PICALM: variants seen among roughly 807,000 people sequenced by gnomAD.
PICALM encodes phosphatidylinositol-binding clathrin assembly protein.
In PICALM, 40 loss-of-function variants were observed where a neutral mutation model predicts 80.5. The observed-to-expected ratio is 0.50, with a 90% CI of 0.39 to 0.65. PICALM has a LOEUF of 0.65. Ranked by LOEUF, PICALM falls within the 30% of genes least tolerant of loss-of-function variation. PICALM has a pLI of 0.00. For missense variants in PICALM, 676 were observed against 778.9 expected (o/e 0.87, Z 1.57); for synonymous variants, 288 against 260.3 (o/e 1.11, Z -1.02).
At chr11:86,045,323 CATAACCATACACCTG>C (rs939759832) in intron 1 of PICALM, among the ~76,000 whole-genome samples, 1 of 151,870 alleles carries the variant, frequency 6.6e-6, no homozygotes, top group Non-Finnish European at 1.5e-5. Context: ...TCATACACCT[CATAACCATACACCTG>C]TTCTTATAAG....
chr11:85,964,611 C>T (rs2093811428), intron 19 of PICALM, among the ~76,000 whole-genome samples: 1 of 152,160 alleles, frequency 6.6e-6, no homozygotes, highest in Admixed American at 6.5e-5. Context: ...ATCAAATGTT[C>T]ATCTACAGAT....
intron 1 of PICALM, among the ~76,000 whole-genome samples, chr11:86,035,430 C>T (rs937402590): frequency 1.3e-5 from 2 of 152,208 alleles, no homozygotes; most frequent in African/African-American, 2.4e-5. Flanking sequence ...CAAAACCACA[C>T]TGATACCCGA....
At chr11:86,018,814 G>A (rs1328998191) in intron 4 of PICALM, among the ~76,000 whole-genome samples, 2 of 151,922 alleles carry the variant, frequency 1.3e-5, no homozygotes, top group South Asian at 2.1e-4. Flanking sequence ...GCTTGAACCC[G>A]GGAGGTGGAG....
chr11:85,987,186 T>C (rs2094598154), intron 13 of PICALM, among the ~76,000 whole-genome samples: 1 of 152,206 alleles, frequency 6.6e-6, no homozygotes, highest in African/African-American at 2.4e-5. Context: ...ATAAACAGGG[T>C]ATTATTTAAA....
At chr11:85,965,608 C>T (rs191973971) in intron 19 of PICALM, among the ~76,000 whole-genome samples, 1 of 151,960 alleles carries the variant, frequency 6.6e-6, no homozygotes, top group East Asian at 1.9e-4. Context: ...CTCAGCTTCC[C>T]CTGTGAGATA....
intron 3 of PICALM, chr11:86,023,619 G>T (rs978945306): frequency 1.0e-6 from 1 of 972,712 alleles, no homozygotes; most frequent in African/African-American, 1.8e-5. Flanking sequence ...TGATAAATCA[G>T]TCGCTAATAA....
At chr11:85,996,585 T>A (rs1360030820) in intron 12 of PICALM, among the ~76,000 whole-genome samples, 5 of 152,204 alleles carry the variant, frequency 3.3e-5, no homozygotes, top group African/African-American at 1.2e-4. Context: ...CACTTGGTCC[T>A]TCCTCTTACA....
chr11:86,018,750 A>G (rs1006687252), intron 4 of PICALM, among the ~76,000 whole-genome samples: 10 of 152,040 alleles, frequency 6.6e-5, no homozygotes, highest in Non-Finnish European at 1.5e-4. Context: ...TTAGCTGGGC[A>G]TTGTGGCGGG....
intron 1 of PICALM, among the ~76,000 whole-genome samples, chr11:86,057,523 G>T (rs1300762786): frequency 6.6e-6 from 1 of 152,110 alleles, no homozygotes; most frequent in Non-Finnish European, 1.5e-5. Context: ...GGGCAACAGA[G>T]TAAGACTCCA....
chr11:85,966,306 A>C (rs1321496274), intron 19 of PICALM, among the ~76,000 whole-genome samples: 1 of 152,056 alleles, frequency 6.6e-6, no homozygotes, highest in Admixed American at 6.6e-5. Context: ...TCCTGGGCTC[A>C]AGTGATCCTT....
At chr11:86,017,516 T>C (rs2095499700) in intron 4 of PICALM, among the ~76,000 whole-genome samples, 1 of 152,240 alleles carries the variant, frequency 6.6e-6, no homozygotes, top group Non-Finnish European at 1.5e-5. Flanking sequence ...TGAGTGTTTG[T>C]TATGTGTTAA....
At chr11:85,997,468 T>C (rs1245823012) in intron 11 of PICALM, among the ~76,000 whole-genome samples, 1 of 152,150 alleles carries the variant, frequency 6.6e-6, no homozygotes, top group East Asian at 1.9e-4. Flanking sequence ...TTACATGATA[T>C]ATTTCTTTCT....
intron 1 of PICALM, among the ~76,000 whole-genome samples, chr11:86,046,850 C>T (rs4944554): frequency 0.19 from 28,610 of 152,132 alleles, 2,993 homozygotes; most frequent in Middle Eastern, 0.24. Flanking sequence ...GTTGCCCAGG[C>T]TGGTCTCAAA....
intron 19 of PICALM, among the ~76,000 whole-genome samples, chr11:85,965,358 A>G (rs1480100297): frequency 6.6e-6 from 1 of 152,214 alleles, no homozygotes. Flanking sequence ...CAGCACAAAC[A>G]GACTTAGACA....
intron 1 of PICALM, among the ~76,000 whole-genome samples, chr11:86,057,402 G>C (rs935647548): frequency 6.6e-6 from 1 of 152,054 alleles, no homozygotes; most frequent in Non-Finnish European, 1.5e-5. Context: ...AGCTGGGCCT[G>C]GTGGCTCGCG....
rs1224656478 is a variant in PICALM, at chr11:86,005,186, A to AT, written c.808-1736dup. ...CAACAGAAGCCAAGATAGGGAAGGT[A>AT]TCTCTGACTTTAAAGACTACATAAT... On this transcript the variant is annotated intron_variant, in intron 8 of 19. Transcript: ENST00000393346. Among the ~76,000 whole-genome samples, 12 of 152,342 alleles carry AT rather than the reference A, an allele frequency of 7.9e-5. No individual in the cohort carries two copies. In the East Asian group the frequency reaches 2.3e-3, roughly 29 times the overall value.
At chr11:85,998,845 T>C (rs767994246) in intron 11 of PICALM, among the ~76,000 whole-genome samples, 3 of 152,106 alleles carry the variant, frequency 2.0e-5, no homozygotes, top group Non-Finnish European at 4.4e-5. Context: ...GGCTAGCTTG[T>C]ACGGCTGGGC....
intron 1 of PICALM, among the ~76,000 whole-genome samples, chr11:86,065,030 C>A (rs2096423950): frequency 6.6e-6 from 1 of 152,100 alleles, no homozygotes; most frequent in Non-Finnish European, 1.5e-5. Flanking sequence ...CTGCAGTGAG[C>A]CATGATCCTG....
intron 1 of PICALM, among the ~76,000 whole-genome samples, chr11:86,042,062 G>A (rs942314526): frequency 6.6e-6 from 1 of 152,092 alleles, no homozygotes; most frequent in African/African-American, 2.4e-5. Context: ...GGTAAACTCT[G>A]CATTCCTACC....
Sources: gnomAD v4.1 joint callset for allele counts (sites outside exome capture counted in the v4.1 genomes callset) on GRCh38, gnomAD v4.1.1 for gene constraint, MANE v1.5 for transcripts, NCBI Gene and HGNC (gene_info 2026-07-23, HGNC 2026-07-21) for gene names.